Variants in SCN10A observed in about 807,000 individuals in gnomAD.
SCN10A encodes the protein sodium voltage-gated channel alpha subunit 10, also known as sodium channel protein type 10 subunit alpha.
SCN10A carries 162 observed loss-of-function variants against 170.7 expected under a neutral mutation model. The observed-to-expected ratio is 0.95, with a 90% CI of 0.84 to 1.08. The LOEUF (loss-of-function observed/expected upper bound fraction) is 1.08. Ranked by LOEUF, SCN10A falls within the 50% of genes least tolerant of loss-of-function variation. The pLI is 0.00. For synonymous variants in SCN10A, 985 were observed against 904.6 expected (o/e 1.09, Z -1.59); for missense variants, 2,527 against 2,436.9 (o/e 1.04, Z -0.78).
At chr3:38,713,620 C>T (rs564233597) in intron 22 of SCN10A, among the ~76,000 whole-genome samples, 2 of 151,994 alleles carry the variant, frequency 1.3e-5, no homozygotes, top group South Asian at 2.1e-4. Flanking sequence ...GGAGGTGGGG[C>T]CCCGGAGCTC....
At position 38,728,775 on chromosome 3, in the gene SCN10A, G is replaced by A. The variant is rs1225472269; in HGVS notation, c.2407C>T (p.Leu803=). The A allele has an allele frequency of 9.3e-6, 15 of 1,614,178 alleles. No homozygotes were observed. Among genetic ancestry groups the A allele is most frequent in the Non-Finnish European group, 1.3e-5 (15 of 1,180,046 alleles). ...ILAIIVFVFA[L]VGKQLLGENY... ...TCCCCTAGGAGCTGCTTGCCAACCA[G>A]AGCAAAGACAAAGACAATGATGGCC... Residue 803 remains leucine (L), a synonymous_variant, in exon 16 of 28, where the codon CTG becomes TTG. Coordinates refer to ENST00000449082, the MANE Select transcript of SCN10A (RefSeq NM_006514.4).
chr3:38,791,965 T>A (rs1342578942), intron 3 of SCN10A, 85 bp downstream of exon 3: 5 of 1,517,062 alleles, frequency 3.3e-6, no homozygotes, highest in East Asian at 4.6e-5. Flanking sequence ...ATAAGGGCTC[T>A]GTTGCTAACC....
intron 15 of SCN10A, among the ~76,000 whole-genome samples, chr3:38,737,808 C>CTT (rs1221086770): frequency 8.7e-6 from 1 of 114,894 alleles, no homozygotes; most frequent in Admixed American, 9.8e-5. Context: ...CTCTTTCTTT[C>CTT]TTTCTTTCTT....
At chr3:38,739,855 C>T (rs939884602) in intron 14 of SCN10A, among the ~76,000 whole-genome samples, 167 bp from the exon 15 acceptor site, 4 of 152,262 alleles carry the variant, frequency 2.6e-5, no homozygotes, top group East Asian at 1.9e-4. Flanking sequence ...TAACAGTCAA[C>T]GTGACAGAAT....
At chr3:38,759,339 T>C (rs1014265977) in intron 8 of SCN10A, among the ~76,000 whole-genome samples, 1 of 152,096 alleles carries the variant, frequency 6.6e-6, no homozygotes, top group Non-Finnish European at 1.5e-5. Context: ...CCTCATCCCT[T>C]AGCTTTGTCT....
At chr3:38,787,592 A>G (rs916478465) in intron 4 of SCN10A, among the ~76,000 whole-genome samples, 1 of 151,932 alleles carries the variant, frequency 6.6e-6, no homozygotes, top group African/African-American at 2.4e-5. Context: ...TCTCAAAGGG[A>G]AAGCTTTCCA....
In SCN10A at chr3:38,710,857, A is replaced by G. The variant is rs751484106; in HGVS notation, c.4130T>C (p.Val1377Ala). ...KGWMDIMYAA[V>A]DSREVNMQPK... ...GCTGAGACTCACCTCCCGGGAATCA[A>G]CAGCTGCATACATAATGTCCATCCA... is the stretch of plus-strand genomic sequence containing the variant. Residue 1377 changes from valine to alanine, a missense_variant, in exon 24 of 28, where the codon GTT (valine) becomes GCT (alanine). Physicochemically the swap from Val to Ala is moderately conservative, Grantham distance 64 (BLOSUM62 0). Coordinates refer to ENST00000449082, the MANE Select transcript of SCN10A (RefSeq NM_006514.4). The G allele has an allele frequency of 1.2e-6, 2 of 1,613,798 alleles. No homozygotes were observed. Among genetic ancestry groups the G allele is most frequent in the African/African-American group, 1.3e-5 (1 of 75,036 alleles).
chr3:38,722,671 G>C (rs930308093), intron 19 of SCN10A, among the ~76,000 whole-genome samples: 15 of 152,060 alleles, frequency 9.9e-5, no homozygotes, highest in Non-Finnish European at 1.8e-4. Flanking sequence ...TGACACCAGT[G>C]GTCCCTGTCC....
At position 38,742,364 on chromosome 3, in the gene SCN10A, T is replaced by A; in HGVS notation, c.2033A>T (p.Asn678Ile). 1 of 1,614,172 alleles carries A rather than the reference T, an allele frequency of 6.2e-7. No homozygotes were observed. The highest frequency in any genetic ancestry group is 8.5e-7 in the Non-Finnish European group (1 of 1,180,022). Residue 678 changes from asparagine to isoleucine, a missense_variant, in exon 14 of 28, where the codon AAC becomes ATC. By Grantham distance (149) the Asn-to-Ile change is moderately radical. Coordinates refer to ENST00000449082, the MANE Select transcript of SCN10A (RefSeq NM_006514.4). ...GTGCTCCATGGCCATGAAGATGGTG[T>A]TCACCACGATGCACAAGGTGATGGT... ...ELTITLCIVV[N>I]TIFMAMEHHG...
At chr3:38,773,445 T>C (rs1007400179) in intron 4 of SCN10A, among the ~76,000 whole-genome samples, 2 of 152,014 alleles carry the variant, frequency 1.3e-5, no homozygotes, top group African/African-American at 4.8e-5. Context: ...CTAGAAAACA[T>C]CTAGGTCAGA....
At chr3:38,755,666 G>T (rs987544733) in intron 11 of SCN10A, 122 bp downstream of exon 11, 5 of 1,137,634 alleles carry the variant, frequency 4.4e-6, no homozygotes, top group Non-Finnish European at 6.4e-6. Context: ...GGGGTGTCTG[G>T]ATCCTTTTAG....
intron 1 of SCN10A, among the ~76,000 whole-genome samples, chr3:38,809,632 A>T (rs2064427195): frequency 1.3e-5 from 2 of 152,198 alleles, no homozygotes; most frequent in South Asian, 4.1e-4. Flanking sequence ...GTCTGTAATA[A>T]ACCCCATGTT....
chr3:38,775,100 A>G (rs1418447150), intron 4 of SCN10A, among the ~76,000 whole-genome samples: 1 of 152,232 alleles, frequency 6.6e-6, no homozygotes, highest in African/African-American at 2.4e-5. Flanking sequence ...AATATACATA[A>G]CATAAAATTT....
chr3:38,809,022 C>A (rs150591386), intron 1 of SCN10A, among the ~76,000 whole-genome samples: 1 of 152,260 alleles, frequency 6.6e-6, no homozygotes, highest in South Asian at 2.1e-4. Context: ...TCTGAGGTGA[C>A]CTCTGCAAAC....
In SCN10A at chr3:38,811,220, A is replaced by C. The variant is rs58030657; in HGVS notation, c.-33+4817T>G. 7.0e-3 allele frequency among the ~76,000 whole-genome samples: 1,060 copies of C among 152,310 alleles called. 11 individuals carry two copies. The highest frequency in any genetic ancestry group is 0.023 in the African/African-American group (957 of 41,560). On this transcript the variant is annotated intron_variant, in intron 1 of 27. Coordinates refer to ENST00000449082, the MANE Select transcript of SCN10A (RefSeq NM_006514.4). ...GTAATCCCAGCACTTTGGGAGGCCA[A>C]GGCAGCTGGCTCACTTGAGGTCAGA...
chr3:38,728,285 C>T (rs2126002649), intron 16 of SCN10A, among the ~76,000 whole-genome samples: 1 of 151,380 alleles, frequency 6.6e-6, no homozygotes, highest in East Asian at 1.9e-4. Flanking sequence ...TGGGGTCACC[C>T]ACCTAGTAAA....
chr3:38,782,346 C>G (rs73064548), intron 4 of SCN10A, among the ~76,000 whole-genome samples: 31,584 of 151,844 alleles, frequency 0.21, 3,912 homozygotes, highest in Middle Eastern at 0.31. Flanking sequence ...CATTTTTATC[C>G]CCCTCTGGAG....
chr3:38,749,373 A>G (rs140473643), intron 13 of SCN10A, among the ~76,000 whole-genome samples: 8 of 152,334 alleles, frequency 5.3e-5, no homozygotes, highest in African/African-American at 9.6e-5. Context: ...TAAGGCAAAA[A>G]AAGGCTGGAT....
rs35930968 is a variant in SCN10A, at chr3:38,798,786, C to CTTTTTT, written c.-32-4750_-32-4745dup. Among the ~76,000 whole-genome samples, 210 of 97,698 alleles carry CTTTTTT rather than the reference C, an allele frequency of 2.1e-3. 9 individuals carry two copies. The highest frequency in any genetic ancestry group is 6.8e-3 in the African/African-American group (170 of 24,860). The allele number at this position is 97,698 out of a possible 152,430, so 64.1% of individuals were successfully genotyped here. A position where few individuals can be genotyped will look rare whatever the true frequency, so the allele number is the denominator to read the frequency against. ...AGCGATATTTGGTTCCCCTTGCCTC[C>CTTTTTT]TTTTTTTTTTTTTTTTTTTTTGAGA... On this transcript the variant is annotated intron_variant, in intron 1 of 27. Transcript: ENST00000449082.
Sources: allele counts gnomAD v4.1 joint callset (sites outside exome capture counted in the v4.1 genomes callset), GRCh38; gene constraint gnomAD v4.1.1; transcripts MANE v1.5; gene names NCBI Gene and HGNC (gene_info 2026-07-23, HGNC 2026-07-21).